ARGLU1: variants seen among roughly 807,000 people sequenced by gnomAD.
ARGLU1 encodes the protein arginine and glutamate-rich protein 1.
In ARGLU1, 9 loss-of-function variants were observed where a neutral mutation model predicts 37.6. The ratio of observed to expected loss-of-function variants is 0.24; its 90% CI spans 0.14 to 0.42. ARGLU1 has a LOEUF of 0.42. Among genes scored for constraint, ARGLU1 ranks in the 10% least tolerant of loss-of-function variants. The pLI, the probability that ARGLU1 is intolerant of heterozygous loss-of-function variation, is 1.00. For synonymous variants in ARGLU1, 166 were observed against 138.5 expected, an observed-to-expected ratio of 1.20 and a Z score of -1.39; for missense variants, 211 against 359.2, an observed-to-expected ratio of 0.59 and a Z score of 3.34.
rs893187680 is a variant in ARGLU1, at chr13:106,567,050, G to A, written c.347+523C>T. On this transcript the variant is annotated intron_variant, in intron 1 of 3. Transcript: ENST00000400198. The surrounding 1 kb of genome is among the most constrained non-coding windows in gnomAD (Gnocchi z 4.3). The stretch of plus-strand genomic sequence containing the variant: ...TAAAGTGAAAATGCATTTTTCTGGC[G>A]GACCACCTAAAGTGTATGATTCCCG... 3.3e-5 allele frequency among the ~76,000 whole-genome samples: 5 copies of A among 151,868 alleles called. No individual in the cohort carries two copies. The highest frequency in any genetic ancestry group is 2.1e-4 in the South Asian group (1 of 4,816).
At chr13:106,556,171 T>G (rs545938196) in intron 3 of ARGLU1, among the ~76,000 whole-genome samples, 56 of 152,210 alleles carry the variant, frequency 3.7e-4, no homozygotes, top group Non-Finnish European at 6.8e-4. Context: ...TCCTATTGCT[T>G]TTTCTGCCTT....
intron 3 of ARGLU1, among the ~76,000 whole-genome samples, chr13:106,553,698 T>C (rs1004614489): frequency 4.6e-5 from 7 of 152,212 alleles, no homozygotes; most frequent in African/African-American, 1.4e-4. Context: ...CAGAAATGTA[T>C]TGTAGTTGCT....
rs1174980563 is a variant in ARGLU1 at position 106,541,793 on chromosome 13, T to TA, written c.*2202dup. ...ATTCTATAATGCATTAAGAATAACC[T>TA]AAAAAAACAAATTGTGAATAAAGGC... On this transcript the variant is annotated 3_prime_UTR_variant, in exon 4 of 4. Transcript: ENST00000400198. 2 of 152,180 alleles carry TA rather than the reference T, an allele frequency of 1.3e-5. No individual in the cohort carries two copies. Among genetic ancestry groups the TA allele is most frequent in the East Asian group, 1.9e-4 (1 of 5,182 alleles). 9.4% of individuals were successfully genotyped at this position (152,180 alleles called of 1,614,324 possible).
intron 3 of ARGLU1, among the ~76,000 whole-genome samples, chr13:106,546,961 C>G (rs1764532919): frequency 1.3e-5 from 2 of 152,078 alleles, no homozygotes; most frequent in African/African-American, 4.8e-5. Context: ...GGCATTTAAG[C>G]AGTGATTAGG....
At chr13:106,561,609 TG>T (rs761013653) in intron 1 of ARGLU1, among the ~76,000 whole-genome samples, 3 of 152,206 alleles carry the variant, frequency 2.0e-5, no homozygotes, top group Non-Finnish European at 4.4e-5. Flanking sequence ...AAAAGGATAA[TG>T]TAACACAGTT....
At chr13:106,558,917 G>T (rs1372346752) in intron 2 of ARGLU1, 3 of 985,264 alleles carry the variant, frequency 3.0e-6, no homozygotes, top group East Asian at 2.3e-4. Context: ...TTAGGGGAGG[G>T]AGTGAGGGAT....
chr13:106,554,715 T>C (rs1880618887), intron 3 of ARGLU1, among the ~76,000 whole-genome samples: 1 of 151,576 alleles, frequency 6.6e-6, no homozygotes, highest in African/African-American at 2.4e-5. Context: ...TGAAACCCCG[T>C]CTCTACTAAA....
chr13:106,543,849 T>C lies in ARGLU1; in HGVS notation c.*147A>G, dbSNP rs945361966. 1.6e-6 allele frequency: 1 copy of C among 627,520 alleles called. No individual in the cohort carries two copies. The highest frequency in any genetic ancestry group is 2.5e-5 in the South Asian group (1 of 39,666). The allele number at this position is 627,520 out of a possible 1,614,324, so 38.9% of individuals were successfully genotyped here. ...GGAAAAAAAAAAAAAAAAAGGGAAT[T>C]GCAGAGCATAGCCCCTATTAGAACA... is the stretch of plus-strand genomic sequence containing the variant. On this transcript the variant is annotated 3_prime_UTR_variant, in exon 4 of 4. Coordinates refer to ENST00000400198, the MANE Select transcript of ARGLU1 (RefSeq NM_018011.4).
chr13:106,554,402 T>G (rs1880609197), intron 3 of ARGLU1, among the ~76,000 whole-genome samples: 1 of 152,120 alleles, frequency 6.6e-6, no homozygotes, highest in Non-Finnish European at 1.5e-5. Flanking sequence ...ATTTTACATA[T>G]TTCCCAATAA....
intron 3 of ARGLU1, among the ~76,000 whole-genome samples, chr13:106,549,902 T>A (rs1451632450): frequency 6.6e-6 from 1 of 152,224 alleles, no homozygotes; most frequent in African/African-American, 2.4e-5. Flanking sequence ...GAGAGACTGC[T>A]GTATAATTTT....
At chr13:106,566,565 G>A (rs1005315558) in intron 1 of ARGLU1, among the ~76,000 whole-genome samples, 22 of 152,264 alleles carry the variant, frequency 1.4e-4, no homozygotes, top group African/African-American at 4.8e-4. Context: ...AATACCCAGA[G>A]CATCAAAGTA....
At chr13:106,560,563 G>T (rs1880770727) in intron 1 of ARGLU1, among the ~76,000 whole-genome samples, 1 of 152,042 alleles carries the variant, frequency 6.6e-6, no homozygotes, top group African/African-American at 2.4e-5. Flanking sequence ...TTATTTGATT[G>T]CGTGTTAAAA....
chr13:106,559,222 A>G, intron 2 of ARGLU1: 2 of 1,517,276 alleles, frequency 1.3e-6, no homozygotes, highest in East Asian at 2.5e-5. Flanking sequence ...GTATCCTTGA[A>G]TATGTTTTAT....
rs561923949 is a variant in ARGLU1, at chr13:106,567,902, G to A, written c.18C>T (p.Ser6=). The change falls in exon 1 of 4, where the codon AGC becomes AGT. Residue 6 remains serine, a synonymous_variant. Transcript: ENST00000400198. This position sits in a 1 kb window ranked among gnomAD's most constrained non-coding sequence, Gnocchi z 4.3. The part of the protein sequence containing the change: MGRSR[S]RSSSRSKHTK... ...TGTGCTTGGAGCGGGACGAGCTCCG[G>A]CTCCGAGACCGGCCCATCCTTCCGG... 65 of 1,609,068 alleles carry A rather than the reference G, an allele frequency of 4.0e-5. No individual in the cohort carries two copies. Among genetic ancestry groups the A allele is most frequent in the Non-Finnish European group, 4.5e-5 (53 of 1,179,414 alleles).
At chr13:106,563,231 T>C (rs534833049) in intron 1 of ARGLU1, among the ~76,000 whole-genome samples, 2 of 152,310 alleles carry the variant, frequency 1.3e-5, no homozygotes, top group African/African-American at 4.8e-5. Context: ...ACATATAATA[T>C]TGTGCCAAAA....
At chr13:106,560,490 A>G (rs896165987) in intron 1 of ARGLU1, among the ~76,000 whole-genome samples, 4 of 152,220 alleles carry the variant, frequency 2.6e-5, no homozygotes, top group Non-Finnish European at 4.4e-5. Context: ...GCCACCAGTC[A>G]TATGTGTCTG....
Position 106,557,652 on chromosome 13 carries a change from CT to C in ARGLU1, c.574-522del. 6.3e-7 allele frequency: 1 copy of C among 1,577,220 alleles called. No individual in the cohort carries two copies. Among genetic ancestry groups the C allele is most frequent in the Non-Finnish European group, 8.6e-7 (1 of 1,160,684 alleles). On this transcript the variant is annotated intron_variant, in intron 2 of 3. Coordinates refer to ENST00000400198, the MANE Select transcript of ARGLU1 (RefSeq NM_018011.4). This position sits in a 1 kb window ranked among gnomAD's most constrained non-coding sequence, Gnocchi z 5.0. ...ATTTGTACTGTTAGCTTGGCAATAC[CT>C]GCATCAGCAGCTCAACCATTTATAA... is the stretch of plus-strand genomic sequence containing the variant.
At chr13:106,559,758 TA>T in intron 1 of ARGLU1, 101 bp from the exon 2 acceptor site, 1 of 1,255,602 alleles carries the variant, frequency 8.0e-7, no homozygotes, top group Non-Finnish European at 1.1e-6. Context: ...AGCCTGATAT[TA>T]TTCAGTGATT....
chr13:106,545,324 T>C (rs981253263), intron 3 of ARGLU1, among the ~76,000 whole-genome samples: 8 of 152,216 alleles, frequency 5.3e-5, no homozygotes, highest in African/African-American at 1.9e-4. Context: ...TCTTAAAACA[T>C]TCGCTGCATC....
Sources: gnomAD v4.1 joint callset for allele counts (sites outside exome capture counted in the v4.1 genomes callset) on GRCh38, gnomAD v4.1.1 for gene constraint, Gnocchi (gnomAD v3.1) non-coding constraint, MANE v1.5 for transcripts, NCBI Gene and HGNC (gene_info 2026-07-23, HGNC 2026-07-21) for gene names.